Variants in THADA observed in about 807,000 individuals in gnomAD.
The protein encoded by THADA is tRNA (32-2'-O)-methyltransferase regulator THADA.
A neutral mutation model predicts 219.8 loss-of-function variants in THADA; 213 were observed. The ratio of observed to expected loss-of-function variants is 0.97; its 90% CI spans 0.87 to 1.09. THADA has a LOEUF of 1.09. Among genes scored for constraint, THADA ranks in the 50% least tolerant of loss-of-function variants. THADA has a pLI of 0.00. For synonymous variants in THADA, 1,018 were observed against 828.9 expected, an observed-to-expected ratio of 1.23 and a Z score of -3.92; for missense variants, 2,956 against 2,311.3, an observed-to-expected ratio of 1.28 and a Z score of -5.72.
At chr2:43,575,169 T>C in intron 10 of THADA, 142 bp from the exon 11 acceptor site, 1 of 683,750 alleles carries the variant, frequency 1.5e-6, no homozygotes, top group Non-Finnish European at 2.3e-6. Flanking sequence ...AACAAAAAAC[T>C]ACAAGTAAAG....
At chr2:43,544,130 T>C (rs1456404498) in intron 20 of THADA, among the ~76,000 whole-genome samples, 3 of 152,228 alleles carry the variant, frequency 2.0e-5, no homozygotes, top group Non-Finnish European at 4.4e-5. Flanking sequence ...AAATAGGGAA[T>C]CCTCTCCCCC....
intron 15 of THADA, 86 bp from the exon 16 acceptor site, chr2:43,560,471 A>T: frequency 2.0e-6 from 2 of 1,016,738 alleles, no homozygotes; most frequent in Admixed American, 3.5e-5. Flanking sequence ...TTTATAGAAA[A>T]TAAGTACCAA....
chr2:43,310,229 C>G (rs536725025), intron 31 of THADA, among the ~76,000 whole-genome samples: 6 of 120,124 alleles, frequency 5.0e-5, no homozygotes, highest in South Asian at 3.5e-4. Flanking sequence ...CTTTCCCGCC[C>G]CCCCCCCAAA....
chr2:43,415,975 G>A (rs1676921070), intron 28 of THADA, among the ~76,000 whole-genome samples: 3 of 151,866 alleles, frequency 2.0e-5, no homozygotes, highest in Admixed American at 2.0e-4. Context: ...AAGGGTGGGG[G>A]GATAATAAAT....
intron 30 of THADA, among the ~76,000 whole-genome samples, chr2:43,335,788 T>A (rs1340529231): frequency 4.4e-5 from 6 of 137,362 alleles, no homozygotes; most frequent in Non-Finnish European, 6.2e-5. Flanking sequence ...CAAGCCCCTG[T>A]CTCTACTTTA....
chr2:43,565,154 T>C (rs1558982091), intron 15 of THADA: 2 of 152,236 alleles, frequency 1.3e-5, no homozygotes, highest in East Asian at 1.9e-4. Flanking sequence ...AACTGATGAA[T>C]TGGCCAGGTG....
At chr2:43,264,192 G>A (rs1324428692) in intron 36 of THADA, among the ~76,000 whole-genome samples, 1 of 151,900 alleles carries the variant, frequency 6.6e-6, no homozygotes. Context: ...GTGAAATAGA[G>A]TGAAAAGAAA....
At chr2:43,569,580 CTT>C (rs1225300658) in intron 14 of THADA, among the ~76,000 whole-genome samples, 140 of 152,156 alleles carry the variant, frequency 9.2e-4, no homozygotes, top group African/African-American at 3.0e-3. Flanking sequence ...TATAAATACT[CTT>C]TGTTTGATGG....
intron 26 of THADA, among the ~76,000 whole-genome samples, chr2:43,438,471 G>A (rs1035144706): frequency 6.6e-6 from 1 of 152,142 alleles, no homozygotes; most frequent in Admixed American, 6.5e-5. Context: ...TTGAAAGTCA[G>A]AGATGTGTTT....
chr2:43,310,224 C>CG (rs1267691819), intron 31 of THADA, among the ~76,000 whole-genome samples: 8 of 39,642 alleles, frequency 2.0e-4, no homozygotes, highest in African/African-American at 1.3e-3. Context: ...CCTCCCTTTC[C>CG]CGCCCCCCCC....
chr2:43,486,156 G>GTT (rs1268140961), intron 25 of THADA, among the ~76,000 whole-genome samples: 1 of 152,054 alleles, frequency 6.6e-6, no homozygotes, highest in Non-Finnish European at 1.5e-5. Flanking sequence ...TAAGAAAATA[G>GTT]TTAAATCCAA....
intron 29 of THADA, among the ~76,000 whole-genome samples, chr2:43,366,519 G>A (rs1319466501): frequency 6.6e-6 from 1 of 152,156 alleles, no homozygotes; most frequent in Admixed American, 6.5e-5. Context: ...AAAGGATCGA[G>A]ATATGAAGGT....
chr2:43,406,429 T>A (rs6544654), intron 28 of THADA, among the ~76,000 whole-genome samples: 20 of 152,122 alleles, frequency 1.3e-4, no homozygotes, highest in Admixed American at 4.6e-4. Flanking sequence ...TACATTTCAT[T>A]TGAAATTTCA....
rs540205934 is a variant in THADA, at chr2:43,234,390, G to A, written c.5297-1508C>T. ...TCACCATCTTGAGAGCTCCAGATAA[G>A]TCCCCCAGGACACTTGCCCTTTAGT... On this transcript the variant is annotated intron_variant, in intron 36 of 37. Transcript: ENST00000405975. 1.4e-3 allele frequency among the ~76,000 whole-genome samples: 211 copies of A among 152,250 alleles called. 1 individual carries two copies. Among genetic ancestry groups the A allele is most frequent in the Non-Finnish European group, 1.3e-3 (87 of 68,016 alleles).
rs151194924 is a variant in THADA at position 43,415,087 on chromosome 2, T to C, written c.4058+13013A>G. Among the ~76,000 whole-genome samples, 7 of 152,330 alleles carry C rather than the reference T, an allele frequency of 4.6e-5. No individual in the cohort carries two copies. In the East Asian group the frequency reaches 1.4e-3, roughly 29 times the overall value. On this transcript the variant is annotated intron_variant, in intron 28 of 37. Transcript: ENST00000405975. ...CGAGTTCTACATTTTCTCCCCAACG[T>C]ATTCTATTTATCTTCCTGTCAAAAC... is the stretch of plus-strand genomic sequence containing the variant.
At chr2:43,514,673 A>C (rs1181546331) in intron 22 of THADA, among the ~76,000 whole-genome samples, 25 of 78,374 alleles carry the variant, frequency 3.2e-4, no homozygotes, top group East Asian at 2.2e-3. Flanking sequence ...AATAATATAT[A>C]ATATATTATA....
At chr2:43,437,654 A>C (rs2104847349) in intron 26 of THADA, among the ~76,000 whole-genome samples, 1 of 152,354 alleles carries the variant, frequency 6.6e-6, no homozygotes, top group African/African-American at 2.4e-5. Context: ...TTGAGAGACA[A>C]GATGAGTTAC....
chr2:43,464,889 T>C (rs1314213696), intron 26 of THADA, among the ~76,000 whole-genome samples: 1 of 152,096 alleles, frequency 6.6e-6, no homozygotes, highest in East Asian at 1.9e-4. Flanking sequence ...AAAGATTTCT[T>C]GAGCACCCCT....
rs538055672 is a variant in THADA at position 43,340,450 on chromosome 2, G to T, written c.4343+3672C>A. ...ATTTCAGAGTCAAAATTTAAAGACT[G>T]AATTGGTTATCCAATAGTGCCAATC... is the stretch of plus-strand genomic sequence containing the variant. On this transcript the variant is annotated intron_variant, in intron 30 of 37. Transcript: ENST00000405975. 1.3e-5 allele frequency among the ~76,000 whole-genome samples: 2 copies of T among 152,304 alleles called. 1 individual carries two copies. The highest frequency in any genetic ancestry group is 4.1e-4 in the South Asian group (2 of 4,822).
Sources: allele counts gnomAD v4.1 joint callset (sites outside exome capture counted in the v4.1 genomes callset), GRCh38; gene constraint gnomAD v4.1.1; transcripts MANE v1.5; gene names NCBI Gene and HGNC (gene_info 2026-07-23, HGNC 2026-07-21).